SAMMSON: variants seen among roughly 807,000 people sequenced by gnomAD.
SAMMSON encodes survival associated mitochondrial melanoma specific oncogenic non-coding RNA, also known as long intergenic non-protein coding RNA 1212.
At chr3:70,091,947 C>T (rs919418185) in intron 4 of SAMMSON, among the ~76,000 whole-genome samples, 1 of 152,030 alleles carries the variant, frequency 6.6e-6, no homozygotes, top group African/African-American at 2.4e-5. Flanking sequence ...AGTTCATACA[C>T]GAAGTAAAGG....
chr3:70,013,067 T>A (rs1379328574), intron 2 of SAMMSON, among the ~76,000 whole-genome samples: 1 of 152,192 alleles, frequency 6.6e-6, no homozygotes, highest in African/African-American at 2.4e-5. Context: ...TTGGTTTTCC[T>A]ATTTTTGAGA....
At chr3:70,008,107 T>C (rs2066936244) in intron 1 of SAMMSON, among the ~76,000 whole-genome samples, 1 of 152,154 alleles carries the variant, frequency 6.6e-6, no homozygotes. Context: ...TCTTTTGACT[T>C]AGGATTGACT....
At chr3:70,345,761 G>T (rs918651601) in intron 7 of SAMMSON, among the ~76,000 whole-genome samples, 13 of 151,596 alleles carry the variant, frequency 8.6e-5, no homozygotes, top group African/African-American at 2.9e-4. Context: ...TTTTCAGACT[G>T]TTTTTTTTAA....
rs375829317 is a variant in SAMMSON at position 70,022,078 on chromosome 3, G to A, written n.417+8406G>A. On this transcript the variant is annotated intron_variant and non_coding_transcript_variant, in intron 3 of 9. Transcript: ENST00000642114. ...GCTTGCTGGAAGGCAACATCTTAACGAGAAGGGCCTTTTGTTTTTTACCAA... is the reference window on the plus strand; with the variant it reads ...GCTTGCTGGAAGGCAACATCTTAACAAGAAGGGCCTTTTGTTTTTTACCAA... Among the ~76,000 whole-genome samples, 7 of 152,116 alleles carry A rather than the reference G, an allele frequency of 4.6e-5. No individual in the cohort carries two copies. In the East Asian group the frequency reaches 7.8e-4, roughly 17 times the overall value.
chr3:70,216,015 C>A (rs1372062119), intron 4 of SAMMSON, among the ~76,000 whole-genome samples: 5 of 151,854 alleles, frequency 3.3e-5, no homozygotes, highest in African/African-American at 9.7e-5. Flanking sequence ...ATCTGTAGAA[C>A]TGTGAAAATA....
At chr3:70,192,104 A>G (rs1701135277) in intron 4 of SAMMSON, among the ~76,000 whole-genome samples, 1 of 152,102 alleles carries the variant, frequency 6.6e-6, no homozygotes, top group Non-Finnish European at 1.5e-5. Context: ...ATTTTAGTAG[A>G]TGGCATTGCA....
In SAMMSON at chr3:70,153,612, A is replaced by G. The variant is rs540094449; in HGVS notation, n.507+82047A>G. On this transcript the variant is annotated intron_variant and non_coding_transcript_variant, in intron 4 of 9. Transcript: ENST00000642114. Reference sequence around the variant, plus strand: ...ACCGAAAGTAATCTTGTAATCAGGGAAAACTACATTTAACTACACCTAAAC... The same window carrying G: ...ACCGAAAGTAATCTTGTAATCAGGGGAAACTACATTTAACTACACCTAAAC... Among the ~76,000 whole-genome samples, 5 of 152,204 alleles carry G rather than the reference A, an allele frequency of 3.3e-5. No individual in the cohort carries two copies. The South Asian group carries it at 1.0e-3, about 32-fold the overall frequency.
chr3:70,238,305 A>G (rs1035601774), intron 4 of SAMMSON, among the ~76,000 whole-genome samples: 1 of 151,994 alleles, frequency 6.6e-6, no homozygotes, highest in Non-Finnish European at 1.5e-5. Context: ...TTTTTCTGCC[A>G]TGTGTAAAAA....
intron 7 of SAMMSON, chr3:70,311,967 C>A: frequency 2.5e-6 from 1 of 397,796 alleles, no homozygotes; most frequent in Non-Finnish European, 4.4e-6. Context: ...AGCTCAGTTT[C>A]TGACATCTAA....
intron 4 of SAMMSON, among the ~76,000 whole-genome samples, chr3:70,083,862 T>G (rs979635088): frequency 6.6e-6 from 1 of 152,134 alleles, no homozygotes; most frequent in Non-Finnish European, 1.5e-5. Flanking sequence ...ATTCATTTTG[T>G]TGTCTGTCTT....
At chr3:70,351,773 A>G (rs1057165905) in intron 7 of SAMMSON, among the ~76,000 whole-genome samples, 3 of 152,142 alleles carry the variant, frequency 2.0e-5, no homozygotes, top group African/African-American at 7.2e-5. Flanking sequence ...CCCTAGCAAG[A>G]CAAAAACTTT....
At position 70,056,801 on chromosome 3, in the gene SAMMSON, T is replaced by C. The variant is rs146435207; in HGVS notation, n.418-14675T>C. ...AATCCAGATACTCTTTCCACTGTATTAGGCAGTGTTCAGTCCTTATCAGTT... is the reference window on the plus strand; with the variant it reads ...AATCCAGATACTCTTTCCACTGTATCAGGCAGTGTTCAGTCCTTATCAGTT... On this transcript the variant is annotated intron_variant and non_coding_transcript_variant, in intron 3 of 9. Transcript: ENST00000642114. Among the ~76,000 whole-genome samples the C allele has an allele frequency of 4.0e-3, 607 of 152,136 alleles. 4 individuals are homozygous for C. The highest frequency in any genetic ancestry group is 0.018 in the South Asian group (87 of 4,822).
intron 4 of SAMMSON, among the ~76,000 whole-genome samples, chr3:70,182,504 C>G (rs952834539): frequency 6.6e-6 from 1 of 152,034 alleles, no homozygotes; most frequent in African/African-American, 2.4e-5. Context: ...TGACGTTGGA[C>G]GTAAAAGTAA....
At chr3:70,094,220 C>T (rs530749698) in intron 4 of SAMMSON, among the ~76,000 whole-genome samples, 1 of 152,272 alleles carries the variant, frequency 6.6e-6, no homozygotes, top group South Asian at 2.1e-4. Context: ...TCCCTATCGG[C>T]TCCACTGTAT....
intron 9 of SAMMSON, among the ~76,000 whole-genome samples, chr3:70,373,598 G>A (rs940283642): frequency 6.6e-6 from 1 of 152,112 alleles, no homozygotes; most frequent in African/African-American, 2.4e-5. Flanking sequence ...TGATAACACA[G>A]AAGTTAGATT....
At chr3:70,258,753 A>G (rs1048009470) in intron 6 of SAMMSON, among the ~76,000 whole-genome samples, 3 of 152,330 alleles carry the variant, frequency 2.0e-5, no homozygotes, top group African/African-American at 7.2e-5. Flanking sequence ...TAAAAATAAC[A>G]AACAATAGGG....
chr3:70,197,162 C>A (rs925761891), intron 4 of SAMMSON: 5 of 398,028 alleles, frequency 1.3e-5, no homozygotes, highest in South Asian at 1.3e-4. Flanking sequence ...AACAGACAGG[C>A]GAGGATAAGG....
chr3:70,104,936 T>C (rs925837724), intron 4 of SAMMSON, among the ~76,000 whole-genome samples: 2 of 152,150 alleles, frequency 1.3e-5, no homozygotes, highest in African/African-American at 4.8e-5. Flanking sequence ...CTCAGTAGCC[T>C]CAACTATTCT....
chr3:70,121,855 C>G (rs1049563914), intron 4 of SAMMSON, among the ~76,000 whole-genome samples: 2 of 152,080 alleles, frequency 1.3e-5, no homozygotes, highest in Non-Finnish European at 2.9e-5. Context: ...AGCTTGCATT[C>G]TCCCATTTGA....
Sources: allele counts gnomAD v4.1 joint callset (sites outside exome capture counted in the v4.1 genomes callset), GRCh38; gene constraint gnomAD v4.1.1; transcripts MANE v1.5; gene names NCBI Gene and HGNC (gene_info 2026-07-23, HGNC 2026-07-21).